The following CSF3R variants were observed in gnomAD, a reference collection of about 807,000 sequenced individuals.
CSF3R encodes granulocyte colony-stimulating factor receptor.
A neutral mutation model predicts 84.4 loss-of-function variants in CSF3R; 52 were observed. The observed-to-expected ratio is 0.62, with a 90% CI of 0.49 to 0.78. CSF3R has a LOEUF of 0.78. Among genes scored for constraint, CSF3R ranks in the 30% least tolerant of loss-of-function variants. The pLI, the probability that CSF3R is intolerant of heterozygous loss-of-function variation, is 0.00. For missense variants in CSF3R, 890 were observed against 1,055.7 expected (o/e 0.84, Z 2.17); for synonymous variants, 384 against 429.1 (o/e 0.89, Z 1.30).
At chr1:36,469,513 G>T in intron 11 of CSF3R, 139 bp downstream of exon 11, 1 of 1,088,842 alleles carries the variant, frequency 9.2e-7, no homozygotes, top group Non-Finnish European at 1.4e-6. Context: ...ATGAGGATAT[G>T]AAATGAGAAC....
At chr1:36,482,442 A>G (rs1303501129) in intron 1 of CSF3R, among the ~76,000 whole-genome samples, 2 of 152,064 alleles carry the variant, frequency 1.3e-5, no homozygotes, top group African/African-American at 2.4e-5. Context: ...AGGAGGAAAG[A>G]TGGAAACAGA....
intron 12 of CSF3R, 188 bp from the exon 13 acceptor site, chr1:36,468,409 G>A: frequency 1.8e-6 from 1 of 560,942 alleles, no homozygotes; most frequent in Non-Finnish European, 3.0e-6. Context: ...GTCTGAGCCA[G>A]GATTTGAACC....
chr1:36,472,627 G>T lies in CSF3R; in HGVS notation c.733C>A (p.Gln245Lys), dbSNP rs1291856818. 2.5e-6 allele frequency: 4 copies of T among 1,612,294 alleles called. No individual in the cohort carries two copies. The East Asian group carries it at 8.9e-5, about 36-fold the overall frequency. The change falls in exon 7 of 17, where the codon CAG (glutamine) becomes AAG (lysine). Residue 245 changes from glutamine (Q) to lysine (K), a missense_variant. Transcript: ENST00000373106. This position sits in a 1 kb window ranked among gnomAD's most constrained non-coding sequence, Gnocchi z 5.0. Reference protein sequence around the residue: ...MDPSPEAAPPQAGCLQLCWEP... With the variant: ...MDPSPEAAPPKAGCLQLCWEP... The stretch of plus-strand genomic sequence containing the variant: ...CAGCACAGCTGTAGGCAGCCTGCCT[G>T]GGGAGGGGCCGCTTCAGGGCTGGGG...
rs766845092 is a variant in CSF3R, at chr1:36,472,093, G to A, written c.1044C>T (p.Asp348=). ...TCCAGAACAGCTGCACTGTCCTGGGGTCCAGCTGCCTCTGCCGCCACCATG... is the reference window on the plus strand; with the variant it reads ...TCCAGAACAGCTGCACTGTCCTGGGATCCAGCTGCCTCTGCCGCCACCATG... The part of the protein sequence containing the change: ...LDTWWRQRQL[D]PRTVQLFWKP... The change falls in exon 9 of 17, where the codon GAC becomes GAT. Residue 348 remains aspartate, a synonymous_variant. Coordinates refer to ENST00000373106, the MANE Select transcript of CSF3R (RefSeq NM_000760.4). This position sits in a 1 kb window ranked among gnomAD's most constrained non-coding sequence, Gnocchi z 5.0. 23 of 1,613,580 alleles carry A rather than the reference G, an allele frequency of 1.4e-5. No homozygotes were observed. In the South Asian group the frequency reaches 2.3e-4, roughly 16 times the overall value.
intron 3 of CSF3R, among the ~76,000 whole-genome samples, chr1:36,478,455 G>A (rs1439741097): frequency 6.6e-6 from 1 of 152,046 alleles, no homozygotes; most frequent in Non-Finnish European, 1.5e-5. Flanking sequence ...CTTGAACCCG[G>A]CAGGCGGAGG....
intron 6 of CSF3R, 80 bp downstream of exon 6, chr1:36,473,355 C>T (rs1650902178): frequency 1.6e-5 from 24 of 1,510,938 alleles, no homozygotes; most frequent in Middle Eastern, 2.3e-4. Context: ...TCTTGTCTGT[C>T]GCTAGTTCTG....
chr1:36,467,432 G>T lies in CSF3R; in HGVS notation c.1959-121C>A. On this transcript the variant is annotated intron_variant, in intron 15 of 16. Coordinates refer to ENST00000373106, the MANE Select transcript of CSF3R (RefSeq NM_000760.4). The surrounding 1 kb of genome is among the most constrained non-coding windows in gnomAD (Gnocchi z 4.1). ...TTAGTGCAGAGAGAAGAAGCTGGGG[G>T]CTGGGACTCTCAGACATGGGCCCCA... 1 of 1,402,860 alleles carries T rather than the reference G, an allele frequency of 7.1e-7. No homozygotes were observed. Among genetic ancestry groups the T allele is most frequent in the Non-Finnish European group, 1.0e-6 (1 of 989,112 alleles). The allele number at this position is 1,402,860 out of a possible 1,614,324, so 86.9% of individuals were successfully genotyped here.
intron 9 of CSF3R, 105 bp from the exon 10 acceptor site, chr1:36,471,751 G>A: frequency 1.7e-6 from 2 of 1,182,034 alleles, no homozygotes; most frequent in South Asian, 1.3e-5. Flanking sequence ...GCCTCCCCAG[G>A]CTGGGGTCCA....
At position 36,469,274 on chromosome 1, in the gene CSF3R, G is replaced by C. The variant is rs764807760; in HGVS notation, c.1475-17C>G. 2.5e-6 allele frequency: 4 copies of C among 1,592,754 alleles called. No individual in the cohort carries two copies. The Admixed American group carries it at 6.7e-5, about 27-fold the overall frequency. On this transcript the variant is annotated splice_polypyrimidine_tract_variant and intron_variant, in intron 11 of 16. Coordinates refer to ENST00000373106, the MANE Select transcript of CSF3R (RefSeq NM_000760.4). ...TGATGTTCTCTGTAGAGAGAAAATG[G>C]GGTAGGCACTTCTGTTAGGGCCTAA...
rs1440249265 is a variant in CSF3R, at chr1:36,467,636, T to C, written c.1880A>G (p.His627Arg). Residue 627 changes from histidine (H) to arginine (R), a missense_variant, in exon 15 of 17, where the codon CAC (histidine) becomes CGC (arginine). Coordinates refer to ENST00000373106, the MANE Select transcript of CSF3R (RefSeq NM_000760.4). The surrounding 1 kb of genome is among the most constrained non-coding windows in gnomAD (Gnocchi z 4.1). Reference protein sequence around the residue: ...MTLTPEGSELHIILGLFGLLL... With the variant: ...MTLTPEGSELRIILGLFGLLL... ...GAGGCCGAACAGGCCCAGGATGATG[T>C]GTAGCTCCGACCCCTCTGCAGTGAG... 1 of 1,613,988 alleles carries C rather than the reference T, an allele frequency of 6.2e-7. No homozygotes were observed. Among genetic ancestry groups the C allele is most frequent in the Non-Finnish European group, 8.5e-7 (1 of 1,180,018 alleles).
chr1:36,472,852 T>TTCCG lies in CSF3R; in HGVS notation c.674-170_674-167dup, dbSNP rs1369395271. 7 of 846,696 alleles carry TTCCG rather than the reference T, an allele frequency of 8.3e-6. No individual in the cohort carries two copies. The East Asian group carries it at 1.1e-4, about 13-fold the overall frequency. 52.4% of individuals were successfully genotyped at this position (846,696 alleles called of 1,614,324 possible). ...TCTTTGTTTCTCTCTAGGTCTCTGT[T>TTCCG]TCCGCTCTTGCCCCAGGGCCTTTGC... On this transcript the variant is annotated intron_variant, in intron 6 of 16. Transcript: ENST00000373106. The surrounding 1 kb of genome is among the most constrained non-coding windows in gnomAD (Gnocchi z 5.0).
intron 3 of CSF3R, 166 bp from the exon 4 acceptor site, chr1:36,475,839 C>T (rs938390048): frequency 1.5e-5 from 10 of 652,832 alleles, no homozygotes; most frequent in South Asian, 6.2e-5. Context: ...CGAGAGGCTA[C>T]GGGGGTGACA....
chr1:36,466,656 T>C lies in CSF3R; in HGVS notation c.2212A>G (p.Thr738Ala). ...VLQGDPRAVS[T>A]QPQSQSGTSD... is the part of the protein sequence containing the mutation. ...GTGCCAGACTGGGATTGGGGCTGGG[T>C]GGAAACTGCTCTTGGGTCCCCCTGG... The change falls in exon 17 of 17, where the codon ACC becomes GCC. Residue 738 changes from threonine (T) to alanine (A), a missense_variant. Coordinates refer to ENST00000373106, the MANE Select transcript of CSF3R (RefSeq NM_000760.4). This position sits in a 1 kb window ranked among gnomAD's most constrained non-coding sequence, Gnocchi z 4.6. 1 of 1,613,956 alleles carries C rather than the reference T, an allele frequency of 6.2e-7. No homozygotes were observed. The highest frequency in any genetic ancestry group is 8.5e-7 in the Non-Finnish European group (1 of 1,179,960).
rs745793282 is a variant in CSF3R, at chr1:36,479,547, G to A, written c.-20-31C>T. The A allele has an allele frequency of 2.0e-6, 3 of 1,527,814 alleles. No individual in the cohort carries two copies. In the South Asian group the frequency reaches 3.4e-5, roughly 17 times the overall value. The allele number at this position is 1,527,814 out of a possible 1,614,324, so 94.6% of individuals were successfully genotyped here. On this transcript the variant is annotated intron_variant, in intron 2 of 16. Coordinates refer to ENST00000373106, the MANE Select transcript of CSF3R (RefSeq NM_000760.4). Reference sequence around the variant, plus strand: ...GGCAGAAGGGTTGTTTAAGACCATGGGCTTTGGAGTCAGAGCTGATCTTAA... The same window carrying A: ...GGCAGAAGGGTTGTTTAAGACCATGAGCTTTGGAGTCAGAGCTGATCTTAA...
chr1:36,476,538 C>T (rs1028428256), intron 3 of CSF3R, among the ~76,000 whole-genome samples: 1 of 152,230 alleles, frequency 6.6e-6, no homozygotes, highest in African/African-American at 2.4e-5. Context: ...ATACCGGTCT[C>T]TCAGCTCCAG....
Position 36,466,603 on chromosome 1 carries a change from C to A in CSF3R, c.2265G>T (p.Leu755=). Residue 755 remains leucine (L), a synonymous_variant, in exon 17 of 17, where the codon CTG becomes CTT. Transcript: ENST00000373106. The surrounding 1 kb of genome is among the most constrained non-coding windows in gnomAD (Gnocchi z 4.6). ...GTSDQVLYGQ[L]LGSPTSPGPG... ...GCCCTGGGCTTGTGGGGCTGCCCAGCAGCTGCCCATAAAGGACCTGATCGC... is the reference window on the plus strand; with the variant it reads ...GCCCTGGGCTTGTGGGGCTGCCCAGAAGCTGCCCATAAAGGACCTGATCGC... 6.2e-7 allele frequency: 1 copy of A among 1,613,312 alleles called. No individual in the cohort carries two copies. Among genetic ancestry groups the A allele is most frequent in the Non-Finnish European group, 8.5e-7 (1 of 1,179,484 alleles).
chr1:36,480,701 G>T (rs115375457), intron 2 of CSF3R, among the ~76,000 whole-genome samples: 80 of 152,318 alleles, frequency 5.3e-4, no homozygotes, highest in African/African-American at 1.7e-3. Flanking sequence ...AAAGGTAGGA[G>T]AATCCTTTTC....
Position 36,467,321 on chromosome 1 carries a change from G to C in CSF3R, c.1959-10C>G, listed in dbSNP as rs748652546. 1.9e-6 allele frequency: 3 copies of C among 1,614,064 alleles called. No homozygotes were observed. In the East Asian group the frequency reaches 6.7e-5, roughly 36 times the overall value. On this transcript the variant is annotated splice_polypyrimidine_tract_variant and intron_variant, in intron 15 of 16. Coordinates refer to ENST00000373106, the MANE Select transcript of CSF3R (RefSeq NM_000760.4). The surrounding 1 kb of genome is among the most constrained non-coding windows in gnomAD (Gnocchi z 4.1). ...GAGGGGATTCTTCCTGCTGGAGAAG[G>C]GGGCAGGTGGAGGCTGAGTCAGACA...
Position 36,466,149 on chromosome 1 carries a change from G to A in CSF3R, c.*208C>T. ...CACAAAAGGCCATTGGGTGGGGCTG[G>A]ATGGAGCATGATCTGGTCCTTAAAG... On this transcript the variant is annotated 3_prime_UTR_variant, in exon 17 of 17. Transcript: ENST00000373106. This position sits in a 1 kb window ranked among gnomAD's most constrained non-coding sequence, Gnocchi z 4.6. The A allele has an allele frequency of 6.2e-7, 1 of 1,614,228 alleles. No individual in the cohort carries two copies. The highest frequency in any genetic ancestry group is 8.5e-7 in the Non-Finnish European group (1 of 1,180,050).
Sources: gnomAD v4.1 joint callset for allele counts (sites outside exome capture counted in the v4.1 genomes callset) on GRCh38, gnomAD v4.1.1 for gene constraint, Gnocchi (gnomAD v3.1) non-coding constraint, MANE v1.5 for transcripts, NCBI Gene and HGNC (gene_info 2026-07-23, HGNC 2026-07-21) for gene names.